Variants in CST7 observed in about 807,000 individuals in gnomAD.
CST7 encodes the protein cystatin-F.
In CST7, 15 loss-of-function variants were observed where a neutral mutation model predicts 13.1. That is an observed-to-expected ratio of 1.14 (90% CI 0.77 to 1.76). The LOEUF (loss-of-function observed/expected upper bound fraction) is 1.76, where lower values mean the gene tolerates loss of function less well. Ranked by LOEUF, CST7 falls within the 40% of genes most tolerant of loss-of-function variation. The probability of loss-of-function intolerance (pLI) is 0.00; values close to 1 mark genes in which losing one functional copy is unlikely to be tolerated. For missense variants in CST7, 193 were observed against 178.8 expected (o/e 1.08, Z -0.45); for synonymous variants, 75 against 66.9 (o/e 1.12, Z -0.59).
At chr20:24,953,423 G>C (rs2087832993) in intron 1 of CST7, among the ~76,000 whole-genome samples, 1 of 152,170 alleles carries the variant, frequency 6.6e-6, no homozygotes, top group Non-Finnish European at 1.5e-5. Context: ...TTTCCAAACT[G>C]GTTGCTGGAA....
chr20:24,955,542 C>T (rs531502623), intron 1 of CST7, among the ~76,000 whole-genome samples: 5 of 151,938 alleles, frequency 3.3e-5, no homozygotes, highest in South Asian at 2.1e-4. Context: ...CTCCGCCTCC[C>T]GGGTTCACGC....
chr20:24,958,248 G>A lies in CST7; in HGVS notation c.244-680G>A, dbSNP rs554675858. ...GGTGTGTAGCCAGGGTCCTCGCTCT[G>A]CAGCCTGGCCTCAGGGACAGGGGAT... is the stretch of plus-strand genomic sequence containing the variant. On this transcript the variant is annotated intron_variant, in intron 2 of 3. Transcript: ENST00000480798. Among the ~76,000 whole-genome samples the A allele has an allele frequency of 2.6e-5, 4 of 152,284 alleles. 1 individual carries two copies. Among genetic ancestry groups the A allele is most frequent in the African/African-American group, 9.6e-5 (4 of 41,554 alleles).
At chr20:24,950,701 C>G (rs2087813734) in intron 1 of CST7, among the ~76,000 whole-genome samples, 1 of 150,416 alleles carries the variant, frequency 6.6e-6, no homozygotes, top group African/African-American at 2.5e-5. Context: ...TGCCTCCCAG[C>G]TTGGGAGCCT....
At chr20:24,953,279 A>C (rs1438100291) in intron 1 of CST7, among the ~76,000 whole-genome samples, 14 of 152,158 alleles carry the variant, frequency 9.2e-5, no homozygotes. Flanking sequence ...ACTCAAATCC[A>C]TCTCCCCGAG....
intron 3 of CST7, among the ~76,000 whole-genome samples, chr20:24,959,255 C>A (rs770978676): frequency 6.6e-6 from 1 of 152,172 alleles, no homozygotes. Flanking sequence ...GACATCCTCC[C>A]GTCCCAGAGG....
At chr20:24,957,713 C>T (rs1158114940) in intron 2 of CST7, among the ~76,000 whole-genome samples, 1 of 152,156 alleles carries the variant, frequency 6.6e-6, no homozygotes, top group African/African-American at 2.4e-5. Context: ...CCAGAGCCTA[C>T]TAGGCATGGG....
In CST7 at chr20:24,955,582, T is replaced by C. The variant is rs536791483; in HGVS notation, c.71-1705T>C. On this transcript the variant is annotated intron_variant, in intron 1 of 3. Coordinates refer to ENST00000480798, the MANE Select transcript of CST7 (RefSeq NM_003650.4). ...CTCCTGCCTCATCCTCCCGAGTACC[T>C]GGGACTACAGGTGCCCGCCACCATG... Among the ~76,000 whole-genome samples, 24 of 152,068 alleles carry C rather than the reference T, an allele frequency of 1.6e-4. No individual in the cohort carries two copies. The East Asian group carries it at 4.5e-3, about 28-fold the overall frequency.
chr20:24,950,685 C>CATGGAGCT (rs1568803925), intron 1 of CST7, among the ~76,000 whole-genome samples: 1 of 152,004 alleles, frequency 6.6e-6, no homozygotes, highest in African/African-American at 2.4e-5. Flanking sequence ...ACAGCATACC[C>CATGGAGCT]GGCCCTGCCT....
At chr20:24,954,248 G>A (rs183783847) in intron 1 of CST7, among the ~76,000 whole-genome samples, 70 of 152,312 alleles carry the variant, frequency 4.6e-4, no homozygotes, top group Non-Finnish European at 7.3e-4. Flanking sequence ...TGGTCTCCTC[G>A]CCTGCAGAAT....
chr20:24,953,697 AAGC>A (rs1395627482), intron 1 of CST7, among the ~76,000 whole-genome samples: 1 of 151,998 alleles, frequency 6.6e-6, no homozygotes, highest in African/African-American at 2.4e-5. Context: ...CCCGCATTAG[AAGC>A]AGTGGTGGGC....
chr20:24,955,944 G>A (rs2087851106), intron 1 of CST7, among the ~76,000 whole-genome samples: 1 of 152,194 alleles, frequency 6.6e-6, no homozygotes. Context: ...TCCCTGGGCT[G>A]CTAAAGCACA....
At chr20:24,957,186 C>G in intron 1 of CST7, 101 bp from the exon 2 acceptor site, 1 of 1,225,930 alleles carries the variant, frequency 8.2e-7, no homozygotes, top group South Asian at 1.5e-5. Context: ...AGGACACACA[C>G]GCCAGCAGAG....
chr20:24,959,131 C>G (rs2087878904), intron 3 of CST7, 87 bp downstream of exon 3: 1 of 1,076,652 alleles, frequency 9.3e-7, no homozygotes, highest in African/African-American at 1.5e-5. Flanking sequence ...GTCACCACGT[C>G]TCTAACGCAG....
intron 1 of CST7, among the ~76,000 whole-genome samples, chr20:24,954,736 T>C (rs993797560): frequency 5.9e-5 from 9 of 152,328 alleles, no homozygotes; most frequent in Non-Finnish European, 1.3e-4. Flanking sequence ...CACAATCTTT[T>C]AGGAACTAAC....
intron 1 of CST7, among the ~76,000 whole-genome samples, chr20:24,950,195 C>T (rs189082962): frequency 1.3e-5 from 2 of 152,326 alleles, no homozygotes; most frequent in East Asian, 1.9e-4. Context: ...GCCATGGCCT[C>T]CCTGGCACAG....
At chr20:24,955,205 A>T (rs371714458) in intron 1 of CST7, among the ~76,000 whole-genome samples, 1 of 152,166 alleles carries the variant, frequency 6.6e-6, no homozygotes, top group Non-Finnish European at 1.5e-5. Flanking sequence ...TAAAAGCCAC[A>T]TTCAACTTCC....
intron 3 of CST7, 38 bp from the exon 4 acceptor site, chr20:24,959,597 A>T: frequency 6.2e-7 from 1 of 1,602,064 alleles, no homozygotes; most frequent in Non-Finnish European, 8.6e-7. Flanking sequence ...CCCCGCAGGG[A>T]AAGTCTAAGC....
intron 1 of CST7, among the ~76,000 whole-genome samples, chr20:24,951,754 AC>A (rs1051905916): frequency 2.6e-5 from 4 of 152,032 alleles, no homozygotes; most frequent in African/African-American, 9.7e-5. Context: ...CCCTCAGGGC[AC>A]CTCTCCTCCC....
At chr20:24,956,555 C>A (rs554101759) in intron 1 of CST7, among the ~76,000 whole-genome samples, 2 of 152,146 alleles carry the variant, frequency 1.3e-5, no homozygotes, top group Non-Finnish European at 2.9e-5. Flanking sequence ...CAGGCCTCCC[C>A]GACCCCAACG....
Sources: allele counts gnomAD v4.1 joint callset (sites outside exome capture counted in the v4.1 genomes callset), GRCh38; gene constraint gnomAD v4.1.1; transcripts MANE v1.5; gene names NCBI Gene and HGNC (gene_info 2026-07-23, HGNC 2026-07-21).